The following ARHGAP19 variants were observed in gnomAD, a reference collection of about 807,000 sequenced individuals.
ARHGAP19 encodes the protein Rho GTPase activating protein 19.
ARHGAP19 carries 48 observed loss-of-function variants against 60.9 expected under a neutral mutation model. The observed-to-expected ratio is 0.79, with a 90% CI of 0.62 to 1.00. The LOEUF (loss-of-function observed/expected upper bound fraction) is 1.00, where lower values mean the gene tolerates loss of function less well. ARHGAP19 is among the 50% of genes least tolerant of loss of function. ARHGAP19 has a pLI of 0.00. For synonymous variants in ARHGAP19, 209 were observed against 215.5 expected (o/e 0.97, Z 0.27); for missense variants, 562 against 597.2 (o/e 0.94, Z 0.61).
At chr10:97,235,014 G>A (rs143144268) in intron 9 of ARHGAP19, among the ~76,000 whole-genome samples, 41 of 152,216 alleles carry the variant, frequency 2.7e-4, no homozygotes, top group African/African-American at 9.2e-4. Flanking sequence ...TACTCCTCAC[G>A]TCACAGAGCC....
rs201902827 is a variant in ARHGAP19 at position 97,266,151 on chromosome 10, C to T, written c.57-26G>A. Reference sequence around the variant, plus strand: ...CTGAAAAACACAGAAGAAAATCTTTCGGGACATCATTTTTGTATGTTTCTT... The same window carrying T: ...CTGAAAAACACAGAAGAAAATCTTTTGGGACATCATTTTTGTATGTTTCTT... On this transcript the variant is annotated intron_variant, in intron 1 of 11. Coordinates refer to ENST00000358531, the MANE Select transcript of ARHGAP19 (RefSeq NM_032900.6). 312 of 1,610,170 alleles carry T rather than the reference C, an allele frequency of 1.9e-4. 1 individual carries two copies. In the African/African-American group the frequency reaches 3.5e-3, roughly 18 times the overall value.
At chr10:97,282,507 A>T (rs1224049442) in intron 1 of ARHGAP19, among the ~76,000 whole-genome samples, 3 of 151,926 alleles carry the variant, frequency 2.0e-5, no homozygotes, top group Non-Finnish European at 2.9e-5. Context: ...TTTAGTTTCT[A>T]TCACATATAA....
At chr10:97,285,512 T>C (rs1236061030) in intron 1 of ARHGAP19, among the ~76,000 whole-genome samples, 4 of 149,526 alleles carry the variant, frequency 2.7e-5, no homozygotes, top group Non-Finnish European at 5.9e-5. Flanking sequence ...TTCTCTTTTT[T>C]TTTTTGCTTT....
chr10:97,235,118 G>A (rs892894630), intron 9 of ARHGAP19, 99 bp downstream of exon 9: 12 of 1,143,268 alleles, frequency 1.0e-5, no homozygotes, highest in Non-Finnish European at 1.5e-5. Flanking sequence ...CCTTTATAGG[G>A]TCCCCAAAAA....
chr10:97,285,784 T>A (rs1423694996), intron 1 of ARHGAP19, among the ~76,000 whole-genome samples: 1 of 152,194 alleles, frequency 6.6e-6, no homozygotes, highest in Non-Finnish European at 1.5e-5. Flanking sequence ...CCTCCCAAAG[T>A]GCTGCGATTA....
intron 1 of ARHGAP19, among the ~76,000 whole-genome samples, chr10:97,271,132 T>C (rs1354432928): frequency 6.6e-6 from 1 of 152,164 alleles, no homozygotes; most frequent in African/African-American, 2.4e-5. Context: ...CTCCAAAGAA[T>C]CATAAATTTA....
At position 97,279,578 on chromosome 10, in the gene ARHGAP19, A is replaced by G. The variant is rs186989780; in HGVS notation, c.56+12994T>C. ...CGCAATCATGACTCACTGTAGCCTCAACTGCCTGAGCTCAAACAATTCCCC... is the reference window on the plus strand; with the variant it reads ...CGCAATCATGACTCACTGTAGCCTCGACTGCCTGAGCTCAAACAATTCCCC... On this transcript the variant is annotated intron_variant, in intron 1 of 11. Transcript: ENST00000358531. Among the ~76,000 whole-genome samples, 142 of 152,130 alleles carry G rather than the reference A, an allele frequency of 9.3e-4. 1 individual carries two copies. The highest frequency in any genetic ancestry group is 3.1e-3 in the African/African-American group (129 of 41,498).
chr10:97,251,107 G>GGGGAAGGGGAAGAGAAAGGGGAA (rs1842639398), intron 6 of ARHGAP19, among the ~76,000 whole-genome samples: 1 of 137,192 alleles, frequency 7.3e-6, no homozygotes, highest in East Asian at 2.2e-4. Context: ...GGAAAAGGAA[G>GGGGAAGGGGAAGAGAAAGGGGAA]GGGAAGGGGA....
intron 4 of ARHGAP19, among the ~76,000 whole-genome samples, chr10:97,261,116 T>C (rs888956281): frequency 6.6e-6 from 1 of 152,166 alleles, no homozygotes; most frequent in African/African-American, 2.4e-5. Context: ...AATTATTGGT[T>C]CTTCCCTAAC....
intron 6 of ARHGAP19, among the ~76,000 whole-genome samples, chr10:97,248,802 A>T (rs1411826555): frequency 6.6e-6 from 1 of 152,012 alleles, no homozygotes; most frequent in Non-Finnish European, 1.5e-5. Flanking sequence ...AATCTGGGAT[A>T]ATTTAAATAT....
At chr10:97,281,210 C>T (rs1260190516) in intron 1 of ARHGAP19, among the ~76,000 whole-genome samples, 1 of 105,862 alleles carries the variant, frequency 9.4e-6, no homozygotes, top group Non-Finnish European at 2.0e-5. Context: ...TGACAAGACT[C>T]TGTCACTACA....
chr10:97,239,551 GGTGTGTGTGT>G (rs201308961), intron 8 of ARHGAP19, among the ~76,000 whole-genome samples: 1,571 of 20,038 alleles, frequency 0.078, 87 homozygotes, highest in South Asian at 0.37. Flanking sequence ...AGAGAGAGAG[GGTGTGTGTGT>G]GTGTGTGTGT....
At position 97,225,839 on chromosome 10, in the gene ARHGAP19, A is replaced by C. The variant is rs1850884640; in HGVS notation, c.*283T>G. The C allele has an allele frequency of 2.5e-6, 1 of 400,012 alleles. No homozygotes were observed. The highest frequency in any genetic ancestry group is 4.2e-5 in the Admixed American group (1 of 23,590). 24.8% of individuals were successfully genotyped at this position (400,012 alleles called of 1,614,324 possible). Reference sequence around the variant, plus strand: ...CCTAAACACATTGAGTGAGCACTGAAGCCCACCTTAGTGTGCTGTATAAGC... The same window carrying C: ...CCTAAACACATTGAGTGAGCACTGACGCCCACCTTAGTGTGCTGTATAAGC... On this transcript the variant is annotated 3_prime_UTR_variant, in exon 12 of 12. Transcript: ENST00000358531.
chr10:97,281,347 G>A (rs1843083845), intron 1 of ARHGAP19, among the ~76,000 whole-genome samples: 1 of 152,194 alleles, frequency 6.6e-6, no homozygotes, highest in South Asian at 2.1e-4. Context: ...GCTGCAGTGA[G>A]GTGTGTTCTT....
intron 11 of ARHGAP19, 159 bp downstream of exon 11, chr10:97,228,988 C>A: frequency 1.4e-6 from 1 of 734,148 alleles, no homozygotes; most frequent in Non-Finnish European, 2.4e-6. Flanking sequence ...GGTTCAATAA[C>A]CATCTGGTGA....
intron 6 of ARHGAP19, 97 bp downstream of exon 6, chr10:97,256,221 C>G: frequency 9.9e-7 from 1 of 1,008,660 alleles, no homozygotes; most frequent in Admixed American, 1.9e-5. Flanking sequence ...CATTCAGGAC[C>G]TTTTTCTCGT....
intron 1 of ARHGAP19, chr10:97,275,116 GCC>G (rs1843006764): frequency 5.8e-5 from 2 of 34,432 alleles, no homozygotes; most frequent in African/African-American, 1.1e-4. Context: ...TTAAAGCACT[GCC>G]TTGGCCTCCC....
chr10:97,258,670 A>G (rs993724722), intron 5 of ARHGAP19: 1 of 153,022 alleles, frequency 6.5e-6, no homozygotes, highest in Non-Finnish European at 1.5e-5. Context: ...CTCCAGGTCA[A>G]CAAGTTGTTT....
At chr10:97,289,743 A>G (rs1464924530) in intron 1 of ARHGAP19, among the ~76,000 whole-genome samples, 1 of 151,780 alleles carries the variant, frequency 6.6e-6, no homozygotes, top group African/African-American at 2.4e-5. Flanking sequence ...AGTCCCAACT[A>G]CTCAGGAGGC....
Sources: gnomAD v4.1 joint callset for allele counts (sites outside exome capture counted in the v4.1 genomes callset) on GRCh38, gnomAD v4.1.1 for gene constraint, MANE v1.5 for transcripts, NCBI Gene and HGNC (gene_info 2026-07-23, HGNC 2026-07-21) for gene names.